The following NTM variants were observed in gnomAD, a reference collection of about 807,000 sequenced individuals.
NTM encodes neurotrimin, also known as IgLON family member 2.
In NTM, 13 loss-of-function variants were observed where a neutral mutation model predicts 42.1. The ratio of observed to expected loss-of-function variants is 0.31; its 90% CI spans 0.20 to 0.49. The LOEUF (loss-of-function observed/expected upper bound fraction) is 0.49. Among genes scored for constraint, NTM ranks in the 20% least tolerant of loss-of-function variants. The pLI, the probability that NTM is intolerant of heterozygous loss-of-function variation, is 0.99. For synonymous variants in NTM, 187 were observed against 179.2 expected, an observed-to-expected ratio of 1.04 and a Z score of -0.35; for missense variants, 373 against 452.8, an observed-to-expected ratio of 0.82 and a Z score of 1.60.
chr11:131,401,658 G>A (rs1945146081), intron 1 of NTM, among the ~76,000 whole-genome samples: 1 of 150,424 alleles, frequency 6.6e-6, no homozygotes, highest in South Asian at 2.1e-4. Context: ...CTAGGCATTT[G>A]AAAAAGATGT....
At chr11:132,284,583 C>T (rs755389689) in intron 4 of NTM, among the ~76,000 whole-genome samples, 5 of 151,862 alleles carry the variant, frequency 3.3e-5, no homozygotes, top group Non-Finnish European at 7.4e-5. Flanking sequence ...CTTCCAAATG[C>T]CCTCACACTG....
intron 3 of NTM, among the ~76,000 whole-genome samples, chr11:132,187,316 A>G (rs2078591698): frequency 6.6e-6 from 1 of 151,930 alleles, no homozygotes; most frequent in East Asian, 1.9e-4. Context: ...GTTCAGCAAC[A>G]CCATATCTGG....
intron 1 of NTM, among the ~76,000 whole-genome samples, chr11:131,779,871 T>C (rs1038351083): frequency 2.0e-5 from 3 of 152,034 alleles, no homozygotes; most frequent in Non-Finnish European, 2.9e-5. Context: ...CTAGAGGTGA[T>C]TGGGATTAGG....
chr11:131,652,450 G>A (rs2066619564), intron 1 of NTM, among the ~76,000 whole-genome samples: 1 of 152,182 alleles, frequency 6.6e-6, no homozygotes, highest in Admixed American at 6.5e-5. Context: ...CCAGACCCAA[G>A]GTCATGCACA....
At chr11:131,742,645 T>C (rs1407057709) in intron 1 of NTM, among the ~76,000 whole-genome samples, 2 of 152,212 alleles carry the variant, frequency 1.3e-5, no homozygotes, top group Non-Finnish European at 2.9e-5. Flanking sequence ...TTTGTTTTCA[T>C]TTAATGTCTT....
At chr11:131,923,057 C>T (rs1484333669) in intron 2 of NTM, among the ~76,000 whole-genome samples, 3 of 137,854 alleles carry the variant, frequency 2.2e-5, no homozygotes, top group African/African-American at 5.0e-5. Flanking sequence ...TCCAGTACCC[C>T]GTTTAAAAAA....
chr11:131,874,318 G>T (rs1018735719), intron 1 of NTM, among the ~76,000 whole-genome samples: 2 of 151,552 alleles, frequency 1.3e-5, no homozygotes, highest in Non-Finnish European at 2.9e-5. Context: ...TATCATGCTT[G>T]TCATCCTGGT....
chr11:131,515,474 A>G (rs531631057), intron 1 of NTM, among the ~76,000 whole-genome samples: 1 of 152,292 alleles, frequency 6.6e-6, no homozygotes, highest in South Asian at 2.1e-4. Context: ...CAGCATGAAC[A>G]TGAGCCGTTA....
chr11:132,081,596 G>A (rs1199183560), intron 2 of NTM, among the ~76,000 whole-genome samples: 2 of 152,036 alleles, frequency 1.3e-5, no homozygotes, highest in East Asian at 1.9e-4. Flanking sequence ...GCCGGACGTG[G>A]TGGCGGGCAC....
At chr11:132,180,919 TA>T (rs1398399119) in intron 3 of NTM, among the ~76,000 whole-genome samples, 7 of 152,148 alleles carry the variant, frequency 4.6e-5, no homozygotes, top group Non-Finnish European at 8.8e-5. Context: ...GGGGAGAAGA[TA>T]AAAGAAGAAA....
intron 1 of NTM, among the ~76,000 whole-genome samples, chr11:131,513,341 C>G (rs1223535445): frequency 2.6e-5 from 4 of 152,166 alleles, no homozygotes; most frequent in Non-Finnish European, 5.9e-5. Context: ...ACAGGCTCTG[C>G]ACCCATCCTC....
chr11:131,813,972 C>A (rs1309133469), intron 1 of NTM, among the ~76,000 whole-genome samples: 2 of 152,006 alleles, frequency 1.3e-5, no homozygotes, highest in Non-Finnish European at 2.9e-5. Context: ...CAGTGTTGAG[C>A]CCACAGTAAG....
At chr11:131,667,638 C>T (rs2069312944) in intron 1 of NTM, among the ~76,000 whole-genome samples, 1 of 152,182 alleles carries the variant, frequency 6.6e-6, no homozygotes, top group Non-Finnish European at 1.5e-5. Flanking sequence ...TGCCTTACAG[C>T]AGTGAGCAAG....
chr11:132,283,231 T>C (rs904169995), intron 4 of NTM, among the ~76,000 whole-genome samples: 19 of 152,072 alleles, frequency 1.2e-4, no homozygotes, highest in Admixed American at 1.2e-3. Context: ...GTGATCCACC[T>C]GCCTCAGCCT....
intron 4 of NTM, among the ~76,000 whole-genome samples, chr11:132,294,603 C>T (rs529941818): frequency 7.2e-5 from 11 of 152,202 alleles, no homozygotes; most frequent in Admixed American, 5.2e-4. Context: ...CAACTTACAT[C>T]GAGCAGTTGA....
chr11:131,407,603 C>T (rs1591583194), intron 1 of NTM, among the ~76,000 whole-genome samples: 1 of 152,198 alleles, frequency 6.6e-6, no homozygotes, highest in East Asian at 1.9e-4. Context: ...CAAAAGGCTT[C>T]CAGCACCTCC....
intron 1 of NTM, among the ~76,000 whole-genome samples, chr11:131,783,357 T>C (rs757497719): frequency 6.6e-6 from 1 of 152,120 alleles, no homozygotes; most frequent in African/African-American, 2.4e-5. Context: ...GTGCGCCATA[T>C]CCATGGGTTG....
chr11:131,508,490 A>T (rs2047793527), intron 1 of NTM, among the ~76,000 whole-genome samples: 1 of 137,168 alleles, frequency 7.3e-6, no homozygotes, highest in Non-Finnish European at 1.6e-5. Context: ...TTCCTCAGGG[A>T]TCTAGAACTG....
At chr11:131,863,632 T>G (rs1050112478) in intron 1 of NTM, among the ~76,000 whole-genome samples, 1 of 152,222 alleles carries the variant, frequency 6.6e-6, no homozygotes, top group Non-Finnish European at 1.5e-5. Context: ...AAACTGAACC[T>G]GCAAACCATA....
Sources: gnomAD v4.1 joint callset for allele counts (sites outside exome capture counted in the v4.1 genomes callset) on GRCh38, gnomAD v4.1.1 for gene constraint, MANE v1.5 for transcripts, NCBI Gene and HGNC (gene_info 2026-07-23, HGNC 2026-07-21) for gene names.